The following FSD1L variants were observed in gnomAD, a reference collection of about 807,000 sequenced individuals.
The protein encoded by FSD1L is FSD1-like protein.
A neutral mutation model predicts 71.6 loss-of-function variants in FSD1L; 45 were observed. The observed-to-expected ratio is 0.63, with a 90% confidence interval of 0.49 to 0.81. FSD1L has a LOEUF of 0.81. Among genes scored for constraint, FSD1L ranks in the 30% least tolerant of loss-of-function variants. The probability of loss-of-function intolerance (pLI) is 0.00; values close to 1 mark genes in which losing one functional copy is unlikely to be tolerated. For missense variants in FSD1L, 561 were observed against 618.1 expected (o/e 0.91, Z 0.98); for synonymous variants, 197 against 207.2 (o/e 0.95, Z 0.42).
chr9:105,462,101 G>A (rs921970769), intron 2 of FSD1L, among the ~76,000 whole-genome samples: 9 of 152,120 alleles, frequency 5.9e-5, no homozygotes, highest in Non-Finnish European at 2.9e-5. Flanking sequence ...AAAAAAATAT[G>A]TAAATGGGAA....
chr9:105,512,860 G>A lies in FSD1L; in HGVS notation c.949G>A (p.Asp317Asn), dbSNP rs1834475328. ...ATCCCATTTGAACCTGAAAGTTGAA[G>A]ATACATGTGTAGAGTGGGATCCTAC... ...SSSHLNLKVEDTCVEWDPTGG... is the reference protein window; with the variant it reads ...SSSHLNLKVENTCVEWDPTGG... Residue 317 changes from aspartate (D) to asparagine (N), a missense_variant, in exon 10 of 14, where the codon GAT (aspartate) becomes AAT (asparagine). Physicochemically the swap from Asp to Asn is conservative, Grantham distance 23. Coordinates refer to ENST00000481272, the MANE Select transcript of FSD1L (RefSeq NM_001145313.3). 3.9e-6 allele frequency: 6 copies of A among 1,541,388 alleles called. No homozygotes were observed. The highest frequency in any genetic ancestry group is 5.3e-6 in the Non-Finnish European group (6 of 1,141,350).
Position 105,546,476 on chromosome 9 carries a change from C to G in FSD1L, c.1586C>G (p.Thr529Ser). ...GSASSLNNVV[T>S]Q ...GCTAGCAGCCTGAACAATGTTGTTA[C>G]TCAATAGTGTCTACTCAGAATACGT... Residue 529 changes from threonine (T) to serine (S), a missense_variant, in exon 14 of 14, where the codon ACT (threonine) becomes AGT (serine). Physicochemically the swap from Thr to Ser is moderately conservative, Grantham distance 58. This residue lies in a region of FSD1L where 98 missense variants were observed against 102.3 expected (regional missense o/e 0.96). Transcript: ENST00000481272. 1 of 1,545,532 alleles carries G rather than the reference C, an allele frequency of 6.5e-7. No individual in the cohort carries two copies. Among genetic ancestry groups the G allele is most frequent in the African/African-American group, 1.4e-5 (1 of 72,788 alleles).
chr9:105,545,956 C>G (rs1836973478), intron 13 of FSD1L, among the ~76,000 whole-genome samples: 1 of 151,956 alleles, frequency 6.6e-6, no homozygotes, highest in South Asian at 2.1e-4. Context: ...TTTTTATAGT[C>G]TCAGGCCATA....
intron 7 of FSD1L, among the ~76,000 whole-genome samples, chr9:105,497,603 A>G (rs1833495726): frequency 6.6e-6 from 1 of 152,178 alleles, no homozygotes; most frequent in South Asian, 2.1e-4. Context: ...TGTGTCTGTC[A>G]TAGAATTGGT....
chr9:105,472,141 A>T (rs1831519299), intron 5 of FSD1L, 136 bp downstream of exon 5: 1 of 1,054,996 alleles, frequency 9.5e-7, no homozygotes, highest in South Asian at 2.8e-5. Context: ...GATAAGTAAA[A>T]TGCTGGCTGT....
At chr9:105,492,341 G>T (rs1833006289) in intron 7 of FSD1L, among the ~76,000 whole-genome samples, 2 of 152,144 alleles carry the variant, frequency 1.3e-5, no homozygotes, top group African/African-American at 4.8e-5. Flanking sequence ...CATCAGTGGT[G>T]AGATCCCCTT....
At chr9:105,479,555 A>G (rs934110253) in intron 6 of FSD1L, among the ~76,000 whole-genome samples, 179 bp downstream of exon 6, 4 of 152,228 alleles carry the variant, frequency 2.6e-5, no homozygotes, top group African/African-American at 9.6e-5. Context: ...AAAATTTTTT[A>G]AAAGCATAGT....
rs774498445 is a variant in FSD1L, at chr9:105,478,555, AT to A, written c.442-797del. 4.1e-4 allele frequency among the ~76,000 whole-genome samples: 62 copies of A among 152,194 alleles called. 1 individual carries two copies. The highest frequency in any genetic ancestry group is 6.5e-4 in the Admixed American group (10 of 15,286). On this transcript the variant is annotated intron_variant, in intron 5 of 13. Transcript: ENST00000481272. ...GGAGAAAAAAACTTTTGTTGGATAT[AT>A]TGTATGTAAATATAAAAGGGACAAC...
At chr9:105,463,714 A>T (rs1406957592) in intron 2 of FSD1L, among the ~76,000 whole-genome samples, 1 of 152,218 alleles carries the variant, frequency 6.6e-6, no homozygotes, top group African/African-American at 2.4e-5. Context: ...AAATTGCTTT[A>T]TTTATTATAG....
chr9:105,462,708 A>G (rs1420317063), intron 2 of FSD1L, among the ~76,000 whole-genome samples: 1 of 149,902 alleles, frequency 6.7e-6, no homozygotes, highest in Non-Finnish European at 1.5e-5. Context: ...TTTTTAGTAG[A>G]GACGGGGTTT....
intron 5 of FSD1L, among the ~76,000 whole-genome samples, chr9:105,476,265 T>C (rs1831794831): frequency 6.6e-6 from 1 of 152,200 alleles, no homozygotes; most frequent in South Asian, 2.1e-4. Context: ...TCAGAGATGG[T>C]GCCTTCCTTT....
chr9:105,465,040 T>C (rs1830967180), intron 3 of FSD1L, among the ~76,000 whole-genome samples: 1 of 151,974 alleles, frequency 6.6e-6, no homozygotes, highest in Non-Finnish European at 1.5e-5. Context: ...GAAAGTAACA[T>C]AAAAATAAAA....
At chr9:105,494,491 T>G (rs1195836128) in intron 7 of FSD1L, among the ~76,000 whole-genome samples, 2 of 152,230 alleles carry the variant, frequency 1.3e-5, no homozygotes, top group Non-Finnish European at 2.9e-5. Context: ...GAGGCCTTCT[T>G]CTCTCAACTC....
chr9:105,544,458 T>C (rs935089567), intron 13 of FSD1L, among the ~76,000 whole-genome samples: 10 of 152,204 alleles, frequency 6.6e-5, no homozygotes, highest in Non-Finnish European at 2.9e-5. Context: ...ATTTTGTCTT[T>C]TGTTGCCATT....
At position 105,459,967 on chromosome 9, in the gene FSD1L, A is replaced by C. The variant is rs534985667; in HGVS notation, c.16-1553A>C. Among the ~76,000 whole-genome samples, 9 of 152,348 alleles carry C rather than the reference A, an allele frequency of 5.9e-5. No individual in the cohort carries two copies. In the East Asian group the frequency reaches 1.4e-3, roughly 23 times the overall value. ...ATGTGGACCCTTTATCTAGGTGTGT[A>C]TTACAGACTCTCATGCTGTACTGGA... is the stretch of plus-strand genomic sequence containing the variant. On this transcript the variant is annotated intron_variant, in intron 1 of 13. Transcript: ENST00000481272.
chr9:105,454,409 T>C (rs1047823165), intron 1 of FSD1L, among the ~76,000 whole-genome samples: 14 of 152,352 alleles, frequency 9.2e-5, no homozygotes, highest in African/African-American at 3.4e-4. Flanking sequence ...ATAAGCATCC[T>C]TGTAGCCAAG....
chr9:105,513,523 A>C, intron 10 of FSD1L: 1 of 1,261,172 alleles, frequency 7.9e-7, no homozygotes, highest in South Asian at 1.4e-5. Flanking sequence ...GCAGGCCTTT[A>C]ATCTGATTTC....
At position 105,492,881 on chromosome 9, in the gene FSD1L, C is replaced by G. The variant is rs373191942; in HGVS notation, c.586+8379C>G. 7.8e-3 allele frequency among the ~76,000 whole-genome samples: 1,192 copies of G among 152,180 alleles called. 9 individuals carry two copies. The highest frequency in any genetic ancestry group is 0.02 in the Middle Eastern group (6 of 294). The stretch of plus-strand genomic sequence containing the variant: ...TCTGAGAGACAGTTTGTTATAATTT[C>G]TGATATTTTACATTTGCTGAGGAGA... On this transcript the variant is annotated intron_variant, in intron 7 of 13. Transcript: ENST00000481272.
chr9:105,478,362 G>A (rs976398686), intron 5 of FSD1L, among the ~76,000 whole-genome samples: 14 of 152,174 alleles, frequency 9.2e-5, no homozygotes, highest in African/African-American at 3.4e-4. Context: ...AACTGAAGAA[G>A]AGAGGCCACA....
Sources: allele counts gnomAD v4.1 joint callset (sites outside exome capture counted in the v4.1 genomes callset), GRCh38; gene constraint gnomAD v4.1.1; regional missense constraint gnomAD v4.1.1; transcripts MANE v1.5; gene names NCBI Gene and HGNC (gene_info 2026-07-23, HGNC 2026-07-21).